Variants in HTR4 observed in about 807,000 individuals in gnomAD.
HTR4 encodes 5-hydroxytryptamine (serotonin) receptor 4, G protein-coupled.
A neutral mutation model predicts 36.8 loss-of-function variants in HTR4; 16 were observed. That is an observed-to-expected ratio of 0.43 (90% CI 0.29 to 0.66). The LOEUF is 0.66. HTR4 is among the 30% of genes least tolerant of loss of function. The probability of loss-of-function intolerance (pLI) is 0.13; values close to 1 mark genes in which losing one functional copy is unlikely to be tolerated. For synonymous variants in HTR4, 189 were observed against 185.1 expected (o/e 1.02, Z -0.17); for missense variants, 438 against 490.9 (o/e 0.89, Z 1.02).
At chr5:148,559,801 C>T (rs1420088011) in intron 2 of HTR4, among the ~76,000 whole-genome samples, 1 of 152,116 alleles carries the variant, frequency 6.6e-6, no homozygotes, top group African/African-American at 2.4e-5. Flanking sequence ...TGCCTCACTG[C>T]TTGTTAGTGC....
chr5:148,624,426 T>C lies in HTR4; in HGVS notation c.26+12563A>G, dbSNP rs944176286. 1.2e-4 allele frequency among the ~76,000 whole-genome samples: 18 copies of C among 152,244 alleles called. No homozygotes were observed. In the South Asian group the frequency reaches 3.5e-3, roughly 30 times the overall value. On this transcript the variant is annotated intron_variant, in intron 2 of 6. Coordinates refer to ENST00000377888, the MANE Select transcript of HTR4 (RefSeq NM_000870.7). ...TATGGAGCGCATGAGAAAATACTTG[T>C]GAAGAGTTGAGCTCAGCACTTACAC... is the stretch of plus-strand genomic sequence containing the variant.
chr5:148,473,489 GTAATATCT>G (rs2113706592), downstream of HTR4, among the ~76,000 whole-genome samples: 1 of 152,274 alleles, frequency 6.6e-6, no homozygotes, highest in South Asian at 2.1e-4. Context: ...AATAATAACA[GTAATATCT>G]TGAATTTGTT....
chr5:148,548,529 G>T, intron 4 of HTR4, 139 bp downstream of exon 4: 1 of 751,314 alleles, frequency 1.3e-6, no homozygotes, highest in Non-Finnish European at 2.2e-6. Flanking sequence ...GCTGGAGAAT[G>T]ACTGTATAAC....
chr5:148,626,418 C>T (rs913021306), intron 2 of HTR4, among the ~76,000 whole-genome samples: 9 of 152,156 alleles, frequency 5.9e-5, no homozygotes, highest in Non-Finnish European at 1.2e-4. Flanking sequence ...TTCCAAATAC[C>T]TGCACATTTC....
intron 2 of HTR4, among the ~76,000 whole-genome samples, chr5:148,593,484 C>T (rs560335057): frequency 1.3e-5 from 2 of 152,254 alleles, no homozygotes; most frequent in South Asian, 2.1e-4. Flanking sequence ...TTCTTACTCC[C>T]TAATCCAAAT....
At chr5:148,626,716 C>T (rs1753121679) in intron 2 of HTR4, among the ~76,000 whole-genome samples, 1 of 152,150 alleles carries the variant, frequency 6.6e-6, no homozygotes, top group Non-Finnish European at 1.5e-5. Flanking sequence ...AGAGCTTCCA[C>T]AAAAAGGTAG....
intron 2 of HTR4, among the ~76,000 whole-genome samples, chr5:148,568,300 A>AT (rs1244143534): frequency 1.3e-5 from 2 of 152,000 alleles, no homozygotes; most frequent in Non-Finnish European, 2.9e-5. Context: ...TGCAATTTTC[A>AT]TTTTTTACAC....
chr5:148,587,647 C>CT, intron 2 of HTR4, among the ~76,000 whole-genome samples: 1 of 152,208 alleles, frequency 6.6e-6, no homozygotes, highest in South Asian at 2.1e-4. Flanking sequence ...GTGTCTGTAT[C>CT]TTTTCTGTCA....
intron 5 of HTR4, among the ~76,000 whole-genome samples, chr5:148,512,652 C>T (rs944249904): frequency 2.6e-5 from 4 of 152,072 alleles, no homozygotes; most frequent in African/African-American, 4.8e-5. Context: ...AGATACTGGC[C>T]GGGCGCGGTG....
chr5:148,557,787 A>G (rs116416313), intron 2 of HTR4, among the ~76,000 whole-genome samples: 2,317 of 148,040 alleles, frequency 0.016, 73 homozygotes, highest in African/African-American at 0.053. Flanking sequence ...TATAATATAT[A>G]TATTAGGAAT....
chr5:148,639,684 A>G (rs1753665941), intron 1 of HTR4, among the ~76,000 whole-genome samples: 2 of 144,306 alleles, frequency 1.4e-5, no homozygotes, highest in Admixed American at 6.9e-5. Context: ...CTTGCTCACT[A>G]GAATATAAAT....
chr5:148,566,459 C>T (rs919536688), intron 2 of HTR4, among the ~76,000 whole-genome samples: 15 of 152,170 alleles, frequency 9.9e-5, no homozygotes, highest in Admixed American at 6.5e-4. Context: ...AACAGAGCCT[C>T]TTGCCTTCAA....
At chr5:148,608,277 G>T (rs1752263858) in intron 2 of HTR4, among the ~76,000 whole-genome samples, 1 of 152,098 alleles carries the variant, frequency 6.6e-6, no homozygotes, top group African/African-American at 2.4e-5. Context: ...TCTTGCAGGG[G>T]AAACAAACAA....
At chr5:148,496,555 G>T (rs1223345724) in intron 6 of HTR4, among the ~76,000 whole-genome samples, 1 of 152,128 alleles carries the variant, frequency 6.6e-6, no homozygotes, top group Non-Finnish European at 1.5e-5. Flanking sequence ...TAACGTAAAA[G>T]ATGTAACCTG....
rs150308160 is a variant in HTR4, at chr5:148,615,692, T to TAAAG, written c.26+21293_26+21296dup. On this transcript the variant is annotated intron_variant, in intron 2 of 6. Coordinates refer to ENST00000377888, the MANE Select transcript of HTR4 (RefSeq NM_000870.7). ...ACTTAAAGTATAATAATTAAAAAAA[T>TAAAG]AAAGAAAGAAAGAAAGAAATAAAAT... is the stretch of plus-strand genomic sequence containing the variant. 2.1e-4 allele frequency among the ~76,000 whole-genome samples: 31 copies of TAAAG among 146,596 alleles called. 1 individual carries two copies. The highest frequency in any genetic ancestry group is 1.8e-3 in the Admixed American group (26 of 14,444).
intron 2 of HTR4, among the ~76,000 whole-genome samples, chr5:148,568,768 T>A (rs1446352586): frequency 6.6e-6 from 1 of 152,102 alleles, no homozygotes; most frequent in African/African-American, 2.4e-5. Context: ...TGTTCGAAAT[T>A]TTTGAATGCA....
chr5:148,593,938 A>G (rs1284031196), intron 2 of HTR4, among the ~76,000 whole-genome samples: 2 of 152,186 alleles, frequency 1.3e-5, no homozygotes, highest in African/African-American at 4.8e-5. Context: ...GTGTTGATCC[A>G]TAAAATCCAG....
chr5:148,542,366 G>A (rs551047516), intron 4 of HTR4, among the ~76,000 whole-genome samples: 156 of 152,236 alleles, frequency 1.0e-3, no homozygotes, highest in African/African-American at 3.7e-3. Context: ...TTACAAAATC[G>A]AATTATACTC....
downstream of HTR4, among the ~76,000 whole-genome samples, chr5:148,478,690 C>A (rs147535706): frequency 8.4e-4 from 128 of 152,134 alleles, no homozygotes; most frequent in African/African-American, 3.0e-3. Flanking sequence ...CCAGACCTAC[C>A]TATTCCCCGT....
Sources: gnomAD v4.1 joint callset for allele counts (sites outside exome capture counted in the v4.1 genomes callset) on GRCh38, gnomAD v4.1.1 for gene constraint, MANE v1.5 for transcripts, NCBI Gene and HGNC (gene_info 2026-07-23, HGNC 2026-07-21) for gene names.